Variants in FAM53A observed in about 807,000 individuals in gnomAD.
FAM53A encodes the protein family with sequence similarity 53 member A.
Under a neutral mutation model 26.6 loss-of-function variants are expected in FAM53A, and 28 were observed. The ratio of observed to expected loss-of-function variants is 1.05; its 90% CI spans 0.78 to 1.45. The LOEUF (loss-of-function observed/expected upper bound fraction) is 1.45, where lower values mean the gene tolerates loss of function less well. Among genes scored for constraint, FAM53A ranks in the 40% most tolerant of loss-of-function variants. FAM53A has a pLI of 0.00. For synonymous variants in FAM53A, 290 were observed against 253.1 expected (o/e 1.15, Z -1.38); for missense variants, 650 against 575.8 (o/e 1.13, Z -1.32).
intron 2 of FAM53A, among the ~76,000 whole-genome samples, chr4:1,661,380 C>T (rs1189218448): frequency 6.6e-6 from 1 of 152,180 alleles, no homozygotes. Flanking sequence ...TCCTGATGCA[C>T]TATCGCGACT....
At chr4:1,577,895 AGGGCTGCGGGTCGGGGGCTGCAGGTGAG>A in the FAM53A span, among the ~76,000 whole-genome samples, 3 of 112,836 alleles carry the variant, frequency 2.7e-5, no homozygotes, top group African/African-American at 1.0e-4. Flanking sequence ...AGGCAGCCGC[AGGGCTGCGGGTCGGGGGCTGCAGGTGAG>A]GGGCTGCGGG....
At chr4:1,610,102 T>A in the FAM53A span, among the ~76,000 whole-genome samples, 1 of 150,858 alleles carries the variant, frequency 6.6e-6, no homozygotes, top group Admixed American at 6.6e-5. Flanking sequence ...GACTTCCCTA[T>A]GCTTGTGAGC....
intron 4 of FAM53A, among the ~76,000 whole-genome samples, chr4:1,645,935 G>A (rs1181006283): frequency 5.3e-5 from 8 of 152,070 alleles, no homozygotes; most frequent in Admixed American, 2.0e-4. Flanking sequence ...CACAAGACAC[G>A]AGAGCCTCAT....
the FAM53A span, among the ~76,000 whole-genome samples, chr4:1,600,101 C>G: frequency 6.6e-6 from 1 of 152,202 alleles, no homozygotes; most frequent in Non-Finnish European, 1.5e-5. Context: ...GTCCTCCCCT[C>G]GCCAGAGTCC....
chr4:1,597,334 C>T, the FAM53A span, among the ~76,000 whole-genome samples: 1 of 152,260 alleles, frequency 6.6e-6, no homozygotes, highest in East Asian at 1.9e-4. Flanking sequence ...ACCGGCCCGA[C>T]ACAGCTTGAG....
the FAM53A span, among the ~76,000 whole-genome samples, chr4:1,598,681 G>A: frequency 6.6e-6 from 1 of 152,164 alleles, no homozygotes; most frequent in African/African-American, 2.4e-5. Flanking sequence ...TATATGTTAC[G>A]AGAAGTGTAT....
chr4:1,581,342 T>G, the FAM53A span, among the ~76,000 whole-genome samples: 1 of 151,864 alleles, frequency 6.6e-6, no homozygotes. Context: ...CCTGTGGTCT[T>G]GCATGCCACA....
chr4:1,680,578 T>C (rs1233273195), intron 1 of FAM53A, among the ~76,000 whole-genome samples: 1 of 152,142 alleles, frequency 6.6e-6, no homozygotes, highest in African/African-American at 2.4e-5. Flanking sequence ...CAACCAAGAT[T>C]TCCTGTAGGT....
chr4:1,655,510 G>T lies in FAM53A; in HGVS notation c.350C>A (p.Thr117Asn), dbSNP rs1175567987. 6.4e-7 allele frequency: 1 copy of T among 1,571,950 alleles called. No individual in the cohort carries two copies. Among genetic ancestry groups the T allele is most frequent in the Admixed American group, 1.9e-5 (1 of 54,038 alleles). The change falls in exon 4 of 5, where the codon ACC (threonine) becomes AAC (asparagine). Residue 117 changes from threonine (T) to asparagine (N), a missense_variant. Coordinates refer to ENST00000308132, the MANE Select transcript of FAM53A (RefSeq NM_001174070.3). ...TGACAAGGACCGGCAATGCCGCTTG[G>T]TCGGTGGGGCCGTGGACGAGCCTGT... ...ESTGSSTAPPTKRHCRSLSEP... is the reference protein window; with the variant it reads ...ESTGSSTAPPNKRHCRSLSEP...
intron 1 of FAM53A, among the ~76,000 whole-genome samples, chr4:1,621,144 C>G (rs1001222174): frequency 1.5e-5 from 2 of 136,020 alleles, no homozygotes; most frequent in African/African-American, 5.5e-5. Flanking sequence ...TCGCTGTCAC[C>G]CAGGCTGGAG....
downstream of FAM53A, among the ~76,000 whole-genome samples, chr4:1,638,293 A>G (rs1715937063): frequency 6.6e-6 from 1 of 152,028 alleles, no homozygotes; most frequent in East Asian, 1.9e-4. Context: ...TCACTCGCAC[A>G]CACACGCCAC....
At chr4:1,641,719 C>T in intron 4 of FAM53A, 112 bp from the exon 5 acceptor site, 2 of 1,078,622 alleles carry the variant, frequency 1.9e-6, no homozygotes, top group South Asian at 1.3e-5. Flanking sequence ...ATCCCCAAGA[C>T]CACACAAAGC....
rs367850511 is a variant in FAM53A, at chr4:1,627,957, G to A, written c.432-9846C>T. The stretch of plus-strand genomic sequence containing the variant: ...CTACCTTCAGGGTCCTCCTGTCAAC[G>A]GCAGCATCCAGTGATGAGGCTGAGA... On this transcript the variant is annotated intron_variant, in intron 1 of 1. Coordinates refer to the FAM53A transcript ENST00000489029. Among the ~76,000 whole-genome samples, 11 of 149,846 alleles carry A rather than the reference G, an allele frequency of 7.3e-5. No individual in the cohort carries two copies. The East Asian group carries it at 1.0e-3, about 14-fold the overall frequency.
chr4:1,625,080 G>C (rs1715226437), intron 1 of FAM53A, among the ~76,000 whole-genome samples: 2 of 125,566 alleles, frequency 1.6e-5, no homozygotes, highest in Admixed American at 1.5e-4. Flanking sequence ...ACGTGGTCAG[G>C]GTCACGCCAG....
chr4:1,597,208 G>A, the FAM53A span, among the ~76,000 whole-genome samples: 1 of 128,286 alleles, frequency 7.8e-6, no homozygotes, highest in Non-Finnish European at 1.7e-5. Context: ...GACATCGGCA[G>A]GGCCCTCAGC....
At chr4:1,605,631 G>T in the FAM53A span, among the ~76,000 whole-genome samples, 8 of 150,948 alleles carry the variant, frequency 5.3e-5, no homozygotes, top group African/African-American at 1.9e-4. The surrounding 1 kb of genome is among the most constrained non-coding windows in gnomAD (Gnocchi z 5.7). Context: ...GCTCCTCGGG[G>T]TGCCTCCTCC....
chr4:1,654,872 C>T (rs1470681638), intron 4 of FAM53A, 106 bp downstream of exon 4: 1 of 1,407,192 alleles, frequency 7.1e-7, no homozygotes, highest in South Asian at 1.6e-5. Flanking sequence ...CAGAGAAGAC[C>T]AGCCGGATGC....
At chr4:1,668,585 A>C (rs1412249548) in intron 2 of FAM53A, 82 bp downstream of exon 2, 2 of 1,532,924 alleles carry the variant, frequency 1.3e-6, no homozygotes, top group Admixed American at 3.4e-5. Flanking sequence ...CTTAGCCCTC[A>C]CCTCCACCTC....
At chr4:1,629,074 G>A (rs1001693783) in intron 1 of FAM53A, among the ~76,000 whole-genome samples, 1 of 151,996 alleles carries the variant, frequency 6.6e-6, no homozygotes, top group African/African-American at 2.4e-5. Flanking sequence ...TGTGCGCCAT[G>A]CCTGCGTTGG....
Sources: gnomAD v4.1 joint callset for allele counts (sites outside exome capture counted in the v4.1 genomes callset) on GRCh38, gnomAD v4.1.1 for gene constraint, Gnocchi (gnomAD v3.1) non-coding constraint, MANE v1.5 for transcripts, NCBI Gene and HGNC (gene_info 2026-07-23, HGNC 2026-07-21) for gene names.